The following ABCD3 variants were observed in gnomAD, a reference collection of about 807,000 sequenced individuals.
ABCD3 encodes the protein ATP-binding cassette sub-family D member 3.
A neutral mutation model predicts 105.5 loss-of-function variants in ABCD3; 41 were observed. That is an observed-to-expected ratio of 0.39 (90% CI 0.30 to 0.50). The LOEUF (loss-of-function observed/expected upper bound fraction) is 0.50, where lower values mean the gene tolerates loss of function less well. Ranked by LOEUF, ABCD3 falls within the 20% of genes least tolerant of loss-of-function variation. The probability of loss-of-function intolerance (pLI) is 0.84; values close to 1 mark genes in which losing one functional copy is unlikely to be tolerated. For missense variants in ABCD3, 622 were observed against 806.3 expected (o/e 0.77, Z 2.77); for synonymous variants, 258 against 269.0 (o/e 0.96, Z 0.40).
chr1:94,388,863 A>G, the ABCD3 span, among the ~76,000 whole-genome samples: 2 of 152,152 alleles, frequency 1.3e-5, no homozygotes, highest in African/African-American at 4.8e-5. Flanking sequence ...TGCATTATTG[A>G]TTTGGCAGCC....
In ABCD3 at chr1:94,475,013, A is replaced by T. The variant is rs1648667217; in HGVS notation, c.406-130A>T. 3 of 654,646 alleles carry T rather than the reference A, an allele frequency of 4.6e-6. No individual in the cohort carries two copies. The South Asian group carries it at 5.6e-5, about 12-fold the overall frequency. The allele number at this position is 654,646 out of a possible 1,614,324, so 40.6% of individuals were successfully genotyped here. ...AATGCAGTAAAGTAAAACAGAACTG[A>T]ATTATATAAATTTGGACTAAATTAT... On this transcript the variant is annotated intron_variant, in intron 5 of 22. Transcript: ENST00000370214.
chr1:94,445,313 A>G (rs966582279), intron 1 of ABCD3, among the ~76,000 whole-genome samples: 4 of 151,970 alleles, frequency 2.6e-5, no homozygotes, highest in Non-Finnish European at 5.9e-5. Context: ...GCGCCCATAC[A>G]TGGGGCTCAA....
intron 1 of ABCD3, among the ~76,000 whole-genome samples, chr1:94,433,102 C>T (rs552043233): frequency 1.4e-3 from 217 of 152,120 alleles, no homozygotes; most frequent in Non-Finnish European, 2.4e-3. Context: ...GTGATCCACC[C>T]ACCTCGGCCT....
upstream of ABCD3, among the ~76,000 whole-genome samples, chr1:94,416,176 G>A (rs879368223): frequency 9.9e-5 from 15 of 152,032 alleles, no homozygotes; most frequent in Non-Finnish European, 1.9e-4. Context: ...AGATGATACC[G>A]TTACTTTCTC....
chr1:94,433,500 T>C (rs770973026), intron 1 of ABCD3, among the ~76,000 whole-genome samples: 6 of 152,036 alleles, frequency 3.9e-5, no homozygotes, highest in Non-Finnish European at 2.9e-5. Context: ...AGTGCACTTA[T>C]ACAAACATAG....
chr1:94,514,201 A>G (rs1271981991), intron 21 of ABCD3: 1 of 152,092 alleles, frequency 6.6e-6, no homozygotes, highest in African/African-American at 2.4e-5. Flanking sequence ...CAGTCCTGGC[A>G]CTATTGACCT....
chr1:94,491,046 C>T (rs911173178), intron 15 of ABCD3, 138 bp from the exon 16 acceptor site: 1 of 632,072 alleles, frequency 1.6e-6, no homozygotes, highest in Non-Finnish European at 2.8e-6. Context: ...GCCTGTTGGC[C>T]ATCTGAATTT....
intron 20 of ABCD3, among the ~76,000 whole-genome samples, chr1:94,505,773 C>CT (rs1330067073): frequency 6.6e-6 from 1 of 152,074 alleles, no homozygotes; most frequent in East Asian, 1.9e-4. Flanking sequence ...TTCACTATCA[C>CT]TTTCTCAAGA....
intron 16 of ABCD3, among the ~76,000 whole-genome samples, chr1:94,496,479 C>G (rs1424071741): frequency 1.4e-5 from 2 of 147,854 alleles, no homozygotes; most frequent in Admixed American, 1.3e-4. Context: ...GTGTGTGTGT[C>G]ACATTTTGTT....
chr1:94,500,567 GA>G (rs1650045530), intron 20 of ABCD3, among the ~76,000 whole-genome samples: 1 of 152,174 alleles, frequency 6.6e-6, no homozygotes, highest in South Asian at 2.1e-4. Flanking sequence ...CCAAGCAAGA[GA>G]TTCTCCTCTC....
chr1:94,424,892 T>G (rs1352103159), intron 1 of ABCD3, among the ~76,000 whole-genome samples: 1 of 152,248 alleles, frequency 6.6e-6, no homozygotes, highest in Non-Finnish European at 1.5e-5. Flanking sequence ...TTTGTCTATT[T>G]TATTCACAGT....
chr1:94,455,442 C>T (rs1051857959), intron 1 of ABCD3, among the ~76,000 whole-genome samples: 1 of 151,830 alleles, frequency 6.6e-6, no homozygotes, highest in Admixed American at 6.6e-5. Context: ...TCTTCTGCCT[C>T]AGCCTCCTGA....
In ABCD3 at chr1:94,517,900, T is replaced by C. The variant is rs1490662944; in HGVS notation, c.*771T>C. On this transcript the variant is annotated 3_prime_UTR_variant, in exon 23 of 23. Coordinates refer to ENST00000370214, the MANE Select transcript of ABCD3 (RefSeq NM_002858.4). ...TTAACATGCCAGGCTCAAGGTCTTA[T>C]AAGAGTTCTAGATTTTTAAGAGAAT... is the stretch of plus-strand genomic sequence containing the variant. 1 of 152,056 alleles carries C rather than the reference T, an allele frequency of 6.6e-6. No individual in the cohort carries two copies. The highest frequency in any genetic ancestry group is 2.4e-5 in the African/African-American group (1 of 41,404). The allele number at this position is 152,056 out of a possible 1,614,324, so 9.4% of individuals were successfully genotyped here. A position where few individuals can be genotyped will look rare whatever the true frequency, so the allele number is the denominator to read the frequency against.
chr1:94,509,060 T>A (rs1650513216), intron 21 of ABCD3, among the ~76,000 whole-genome samples: 1 of 152,190 alleles, frequency 6.6e-6, no homozygotes, highest in Non-Finnish European at 1.5e-5. Flanking sequence ...CCCTGTCTTG[T>A]GCCAGTTTTC....
the ABCD3 span, chr1:94,406,335 G>GTTTTTTTTTTTTTTTTTTTTTTTT: frequency 5.6e-6 from 1 of 179,012 alleles, no homozygotes; most frequent in African/African-American, 3.1e-5. Flanking sequence ...ATAGTATTTT[G>GTTTTTTTTTTTTTTTTTTTTTTTT]TTTTGTTTTT....
intron 1 of ABCD3, among the ~76,000 whole-genome samples, chr1:94,449,633 A>G (rs753345664): frequency 1.3e-5 from 2 of 152,194 alleles, no homozygotes; most frequent in Non-Finnish European, 2.9e-5. Context: ...TGGCCAGAAA[A>G]AGTGAACGTA....
chr1:94,480,497 T>G lies in ABCD3; in HGVS notation c.718T>G (p.Ser240Ala). ...GAGCATGATGGCCTACTTGGTTGTT[T>G]CTGGGCTATTCCTAACTCGACTTCG... ...PASMMAYLVV[S>A]GLFLTRLRRP... Residue 240 changes from serine (S) to alanine (A), a missense_variant, in exon 9 of 23, where the codon TCT becomes GCT. Transcript: ENST00000370214. The G allele has an allele frequency of 6.2e-7, 1 of 1,613,924 alleles. No individual in the cohort carries two copies.
chr1:94,480,289 AGT>A (rs1384133098), intron 8 of ABCD3, 173 bp from the exon 9 acceptor site: 1 of 673,340 alleles, frequency 1.5e-6, no homozygotes, highest in Non-Finnish European at 2.5e-6. Context: ...GAGTAGTAAA[AGT>A]GTAGAGGCTA....
intron 8 of ABCD3, 91 bp downstream of exon 8, chr1:94,478,406 T>C: frequency 4.2e-6 from 5 of 1,178,006 alleles, no homozygotes; most frequent in Non-Finnish European, 6.2e-6. Flanking sequence ...TAAGAATTTT[T>C]GTAGATCTCA....
Sources: allele counts gnomAD v4.1 joint callset (sites outside exome capture counted in the v4.1 genomes callset), GRCh38; gene constraint gnomAD v4.1.1; transcripts MANE v1.5; gene names NCBI Gene and HGNC (gene_info 2026-07-23, HGNC 2026-07-21).